The following DCHS2 variants were observed in gnomAD, a reference collection of about 807,000 sequenced individuals.
DCHS2 encodes dachsous cadherin-related 2, also known as protocadherin-23.
DCHS2 carries 142 observed loss-of-function variants against 182.4 expected under a neutral mutation model. That is an observed-to-expected ratio of 0.78 (90% CI 0.68 to 0.89). The LOEUF is 0.89. Ranked by LOEUF, DCHS2 falls within the 40% of genes least tolerant of loss-of-function variation. The probability of loss-of-function intolerance (pLI) is 0.00; values close to 1 mark genes in which losing one functional copy is unlikely to be tolerated. For synonymous variants in DCHS2, 1,740 were observed against 1,663.3 expected (o/e 1.05, Z -1.12); for missense variants, 4,319 against 4,198.6 (o/e 1.03, Z -0.79).
At chr4:154,283,913 C>A (rs1734271085) in intron 13 of DCHS2, among the ~76,000 whole-genome samples, 1 of 152,100 alleles carries the variant, frequency 6.6e-6, no homozygotes, top group South Asian at 2.1e-4. Context: ...TTTCCAGCTC[C>A]CAGAACTCCA....
chr4:154,408,416 G>A (rs183347617), intron 1 of DCHS2, among the ~76,000 whole-genome samples: 6 of 152,262 alleles, frequency 3.9e-5, no homozygotes, highest in African/African-American at 7.2e-5. Context: ...TCTATAATTT[G>A]TATATGTTGA....
At chr4:154,354,281 G>A (rs1206242539) in intron 3 of DCHS2, among the ~76,000 whole-genome samples, 3 of 152,150 alleles carry the variant, frequency 2.0e-5, no homozygotes, top group Admixed American at 6.5e-5. Context: ...CATGTTTCAT[G>A]GCTTTAATAG....
At position 154,239,221 on chromosome 4, in the gene DCHS2, A is replaced by T. The variant is rs751657362; in HGVS notation, c.7441T>A (p.Ser2481Thr). Residue 2481 changes from serine (S) to threonine (T), a missense_variant, in exon 19 of 20, where the codon TCT becomes ACT. Coordinates refer to ENST00000357232, the MANE Select transcript of DCHS2 (RefSeq NM_001358235.2). ...TTAGAAGAGGATAGAATTCTGTAAG[A>T]AATGTTCTCATTGCTTTCTAAGTCT... ...ATDLESNENI[S>T]YRILSSSKEF... The T allele has an allele frequency of 6.2e-7, 1 of 1,613,486 alleles. No individual in the cohort carries two copies. The highest frequency in any genetic ancestry group is 1.1e-5 in the South Asian group (1 of 91,066).
At chr4:154,303,484 C>CAA (rs35984605) in intron 12 of DCHS2, among the ~76,000 whole-genome samples, 6,755 of 84,360 alleles carry the variant, frequency 0.08, 665 homozygotes, top group African/African-American at 0.22. Context: ...GTAAGTGAAG[C>CAA]AAAAAAAAAA....
chr4:154,343,596 C>T, intron 3 of DCHS2: 1 of 1,524,310 alleles, frequency 6.6e-7, no homozygotes, highest in Non-Finnish European at 8.8e-7. Flanking sequence ...GAACCAACCT[C>T]TGCTAGCTTC....
At chr4:154,481,958 C>T (rs1383858188) in intron 1 of DCHS2, among the ~76,000 whole-genome samples, 1 of 152,220 alleles carries the variant, frequency 6.6e-6, no homozygotes, top group Non-Finnish European at 1.5e-5. Context: ...AGTTTTCACA[C>T]ACTTCATCAG....
intron 1 of DCHS2, among the ~76,000 whole-genome samples, chr4:154,389,702 G>A (rs773424170): frequency 2.0e-5 from 3 of 151,398 alleles, no homozygotes; most frequent in South Asian, 2.1e-4. Context: ...TTCTTTAATC[G>A]AGATCCTTTT....
intron 13 of DCHS2, among the ~76,000 whole-genome samples, chr4:154,280,276 C>T (rs969748369): frequency 6.6e-6 from 1 of 152,106 alleles, no homozygotes; most frequent in Admixed American, 6.6e-5. Flanking sequence ...GATGGCATCA[C>T]TGGAGAATTC....
intron 1 of DCHS2, chr4:154,391,382 G>A (rs1731696532): frequency 2.0e-6 from 3 of 1,490,832 alleles, no homozygotes; most frequent in Admixed American, 2.2e-5. Context: ...GTTCACATAT[G>A]GAAATACCTC....
intron 1 of DCHS2, among the ~76,000 whole-genome samples, chr4:154,472,933 G>A (rs1735534934): frequency 6.6e-6 from 1 of 152,140 alleles, no homozygotes; most frequent in Non-Finnish European, 1.5e-5. Context: ...TATATTTTAA[G>A]TACCAGCCAA....
At chr4:154,410,470 C>CAAAAAAAAAAA (rs61280673) in intron 1 of DCHS2, among the ~76,000 whole-genome samples, 1 of 70,356 alleles carries the variant, frequency 1.4e-5, no homozygotes, top group East Asian at 4.0e-4. Context: ...ACCCAGAGGG[C>CAAAAAAAAAAA]AAAAAAAAAA....
At position 154,393,804 on chromosome 4, in the gene DCHS2, T is replaced by C. The variant is rs780330612; in HGVS notation, c.2053-16360A>G. ...CCAAAGACTCCCAGAATTAATTACATTATGTCCTGATGGTGTCTGTCTCTA... is the reference window on the plus strand; with the variant it reads ...CCAAAGACTCCCAGAATTAATTACACTATGTCCTGATGGTGTCTGTCTCTA... On this transcript the variant is annotated intron_variant, in intron 1 of 19. Coordinates refer to ENST00000357232, the MANE Select transcript of DCHS2 (RefSeq NM_001358235.2). Among the ~76,000 whole-genome samples the C allele has an allele frequency of 1.6e-3, 246 of 152,150 alleles. 8 individuals are homozygous for C. The highest frequency in any genetic ancestry group is 3.5e-4 in the Non-Finnish European group (24 of 68,032).
chr4:154,315,310 G>C (rs182927323), intron 10 of DCHS2, among the ~76,000 whole-genome samples: 7 of 152,180 alleles, frequency 4.6e-5, no homozygotes, highest in Admixed American at 6.5e-5. Flanking sequence ...ATAAGTAAAT[G>C]GTAGTTTTGG....
intron 7 of DCHS2, among the ~76,000 whole-genome samples, chr4:154,325,348 TG>T (rs1168382759): frequency 2.0e-5 from 3 of 151,182 alleles, no homozygotes; most frequent in African/African-American, 7.3e-5. Flanking sequence ...TGTGTGTGTG[TG>T]TGTGTGTGTG....
At chr4:154,273,873 T>C (rs571263586) in intron 13 of DCHS2, among the ~76,000 whole-genome samples, 4 of 152,144 alleles carry the variant, frequency 2.6e-5, no homozygotes, top group African/African-American at 9.6e-5. Context: ...TGGGGAGAGA[T>C]GGATAGGGAG....
chr4:154,475,424 A>T (rs946689506), intron 1 of DCHS2, among the ~76,000 whole-genome samples: 1 of 152,226 alleles, frequency 6.6e-6, no homozygotes, highest in African/African-American at 2.4e-5. Context: ...TTTAATTCAT[A>T]AGCTTAAAGG....
intron 1 of DCHS2, among the ~76,000 whole-genome samples, chr4:154,421,055 TA>T (rs1284824304): frequency 6.6e-6 from 1 of 152,196 alleles, no homozygotes; most frequent in East Asian, 1.9e-4. Flanking sequence ...GTGATTTGAA[TA>T]ACACAATTCA....
chr4:154,346,182 T>G (rs371946159), intron 3 of DCHS2, among the ~76,000 whole-genome samples: 2 of 152,290 alleles, frequency 1.3e-5, no homozygotes, highest in East Asian at 1.9e-4. Context: ...TTTCAACATA[T>G]GAATTTTGGA....
In DCHS2 at chr4:154,490,054, G is replaced by A. The variant is rs1234510839; in HGVS notation, c.1302C>T (p.Asp434=). 5 of 1,548,680 alleles carry A rather than the reference G, an allele frequency of 3.2e-6. No individual in the cohort carries two copies. The African/African-American group carries it at 6.8e-5, about 21-fold the overall frequency. ...CAGACACCGAGACGCGAGCCACGTA[G>A]TCGCCCGGTCGGGCGCCTTCAGAGA... ...ARVSEGARPG[D]YVARVSVSDA... Residue 434 remains aspartate, a synonymous_variant, in exon 1 of 20, where the codon GAC becomes GAT. Transcript: ENST00000357232.
Sources: gnomAD v4.1 joint callset for allele counts (sites outside exome capture counted in the v4.1 genomes callset) on GRCh38, gnomAD v4.1.1 for gene constraint, MANE v1.5 for transcripts, NCBI Gene and HGNC (gene_info 2026-07-23, HGNC 2026-07-21) for gene names.